THSD1: variants seen among roughly 807,000 people sequenced by gnomAD.
THSD1 encodes thrombospondin type 1 domain containing 1.
In THSD1, 34 loss-of-function variants were observed where a neutral mutation model predicts 46.3. The observed-to-expected ratio is 0.74, with a 90% CI of 0.56 to 0.98. THSD1 has a LOEUF of 0.98. Among genes scored for constraint, THSD1 ranks in the 50% least tolerant of loss-of-function variants. THSD1 has a pLI of 0.00. For missense variants in THSD1, 1,023 were observed against 1,058.3 expected (o/e 0.97, Z 0.46); for synonymous variants, 407 against 416.5 (o/e 0.98, Z 0.28).
rs555785072 is a variant in THSD1, at chr13:52,386,164, T to C, written c.1044A>G (p.Pro348=). 14 of 1,614,138 alleles carry C rather than the reference T, an allele frequency of 8.7e-6. No homozygotes were observed. The highest frequency in any genetic ancestry group is 8.0e-5 in the African/African-American group (6 of 75,050). Residue 348 remains proline (P), a synonymous_variant, in exon 4 of 5, where the codon CCA becomes CCG. Coordinates refer to ENST00000258613, the MANE Select transcript of THSD1 (RefSeq NM_018676.4). ...CACATGTGGCACTACACTGGCTCCA[T>C]GGCTGCCACAGTCCCCAAGTTTCTG... The part of the protein sequence containing the change: ...RNTETWGLWQ[P]WSQCSATCGD...
chr13:52,397,211 T>TA lies in THSD1; in HGVS notation c.1021+20dup, dbSNP rs749440537. 73 of 1,517,958 alleles carry TA rather than the reference T, an allele frequency of 4.8e-5. 1 individual carries two copies. Among genetic ancestry groups the TA allele is most frequent in the African/African-American group, 2.6e-4 (19 of 71,786 alleles). 94.0% of individuals were successfully genotyped at this position (1,517,958 alleles called of 1,614,324 possible). On this transcript the variant is annotated intron_variant, in intron 3 of 4. Coordinates refer to ENST00000258613, the MANE Select transcript of THSD1 (RefSeq NM_018676.4). ...ACATGAAGGATTTGATTTAAAATGT[T>TA]AAAAAAATCTCAATACAAACCTGTA...
Position 52,377,693 on chromosome 13 carries a change from AGCTCTGTGGG to A in THSD1, c.2267_2276del (p.Pro756LeufsTer32). On this transcript the variant is annotated frameshift_variant, in exon 5 of 5. Transcript: ENST00000258613. LOFTEE classifies it high-confidence loss of function. Reference sequence around the variant, plus strand: ...TGTGACTGGGGGACGGTCCCCGACGAGCTCTGTGGGGCTCTGTTCTCTCAATTCCGGCCAC... The same window carrying A: ...TGTGACTGGGGGACGGTCCCCGACGAGCTCTGTTCTCTCAATTCCGGCCAC... 3 of 1,610,066 alleles carry A rather than the reference AGCTCTGTGGG, an allele frequency of 1.9e-6. No individual in the cohort carries two copies. The highest frequency in any genetic ancestry group is 2.2e-5 in the South Asian group (2 of 90,918).
chr13:52,378,478 A>C lies in THSD1; in HGVS notation c.1492T>G (p.Tyr498Asp). 2 of 1,614,174 alleles carry C rather than the reference A, an allele frequency of 1.2e-6. No homozygotes were observed. Among genetic ancestry groups the C allele is most frequent in the East Asian group, 4.5e-5 (2 of 44,882 alleles). The change falls in exon 5 of 5, where the codon TAC (tyrosine) becomes GAC (aspartate). Residue 498 changes from tyrosine to aspartate, a missense_variant. Around this residue, in one of 3 missense-constraint regions of THSD1, gnomAD observed 578 missense variants for 497.4 expected, o/e 1.16. Transcript: ENST00000258613. Reference sequence around the variant, plus strand: ...GGAGGTACCGGCCCGCTCCGCCTGTAGGTCAGAGGGATGCCTGTGTCCCCT... The same window carrying C: ...GGAGGTACCGGCCCGCTCCGCCTGTCGGTCAGAGGGATGCCTGTGTCCCCT... ...SPGDTGIPLT[Y>D]RRSGPVPPED...
At chr13:52,400,089 A>G (rs2137747788) in intron 2 of THSD1, 1 of 149,586 alleles carries the variant, frequency 6.7e-6, no homozygotes, top group African/African-American at 2.5e-5. Flanking sequence ...ACTAAATTTG[A>G]CTGGCTTAAA....
chr13:52,377,718 A>G lies in THSD1; in HGVS notation c.2252T>C (p.Ile751Thr), dbSNP rs766340010. Reference sequence around the variant, plus strand: ...AGCTCTGTGGGGCTCTGTTCTCTCAATTCCGGCCACTAATCCTGCCTGGTG... The same window carrying G: ...AGCTCTGTGGGGCTCTGTTCTCTCAGTTCCGGCCACTAATCCTGCCTGGTG... ...GDHQAGLVAGIERTEPHRARR... is the reference protein window; with the variant it reads ...GDHQAGLVAGTERTEPHRARR... The change falls in exon 5 of 5, where the codon ATT (isoleucine) becomes ACT (threonine). Residue 751 changes from isoleucine (I) to threonine (T), a missense_variant. By Grantham distance (89) the Ile-to-Thr change is moderately conservative (BLOSUM62 -1). Coordinates refer to ENST00000258613, the MANE Select transcript of THSD1 (RefSeq NM_018676.4). 3.7e-6 allele frequency: 6 copies of G among 1,612,778 alleles called. No homozygotes were observed. The highest frequency in any genetic ancestry group is 1.7e-5 in the Admixed American group (1 of 59,900).
chr13:52,391,083 T>G (rs1395259260), intron 3 of THSD1, among the ~76,000 whole-genome samples: 2 of 152,202 alleles, frequency 1.3e-5, no homozygotes, highest in African/African-American at 4.8e-5. Context: ...TTGTGTACCT[T>G]TGGCTGCATT....
intron 4 of THSD1, chr13:52,384,080 G>A: frequency 3.0e-6 from 1 of 334,750 alleles, no homozygotes; most frequent in South Asian, 2.5e-5. Context: ...GCACATGCCA[G>A]AGGCTGAGGC....
At chr13:52,394,453 A>G (rs1957797225) in intron 3 of THSD1, among the ~76,000 whole-genome samples, 3 of 152,102 alleles carry the variant, frequency 2.0e-5, no homozygotes, top group Non-Finnish European at 4.4e-5. Flanking sequence ...GTCTCTACTA[A>G]AAATACAAAA....
chr13:52,393,772 T>C (rs1046099401), intron 3 of THSD1, among the ~76,000 whole-genome samples: 3 of 152,136 alleles, frequency 2.0e-5, no homozygotes, highest in African/African-American at 7.2e-5. Context: ...CCCTAAATGG[T>C]ACCATTTGGC....
chr13:52,378,259 G>T lies in THSD1; in HGVS notation c.1711C>A (p.Pro571Thr). ...DTAIDAAPSA[P>T]LDLESPEEAA... ...TCTTCCGGGCTTTCCAAATCTAAGG[G>T]AGCGCTGGGGGCCGCATCAATGGCA... Residue 571 changes from proline (P) to threonine (T), a missense_variant, in exon 5 of 5, where the codon CCC becomes ACC. Around this residue, in one of 3 missense-constraint regions of THSD1, gnomAD observed 578 missense variants for 497.4 expected, o/e 1.16. Coordinates refer to ENST00000258613, the MANE Select transcript of THSD1 (RefSeq NM_018676.4). 1.2e-6 allele frequency: 2 copies of T among 1,614,224 alleles called. No homozygotes were observed. Among genetic ancestry groups the T allele is most frequent in the Non-Finnish European group, 1.7e-6 (2 of 1,180,038 alleles).
At chr13:52,383,957 CTT>C (rs1231080177) in intron 4 of THSD1, 1 of 192,590 alleles carries the variant, frequency 5.2e-6, no homozygotes, top group Non-Finnish European at 1.1e-5. Flanking sequence ...AATCCCAGCA[CTT>C]TGGGAGGCCG....
Position 52,378,052 on chromosome 13 carries a change from A to G in THSD1, c.1918T>C (p.Ser640Pro). 1 of 1,614,026 alleles carries G rather than the reference A, an allele frequency of 6.2e-7. No homozygotes were observed. The highest frequency in any genetic ancestry group is 8.5e-7 in the Non-Finnish European group (1 of 1,180,004). Reference protein sequence around the residue: ...ARHVGSRGGPSERSHARNAHF... With the variant: ...ARHVGSRGGPPERSHARNAHF... ...GCGTTCCTGGCATGGCTCCTTTCGG[A>G]CGGGCCCCCTCTGCTGCCCACGTGC... Residue 640 changes from serine to proline, a missense_variant, in exon 5 of 5, where the codon TCC (serine) becomes CCC (proline). By Grantham distance (74) the Ser-to-Pro change is moderately conservative (BLOSUM62 -1). Transcript: ENST00000258613.
chr13:52,401,893 A>G (rs1199554021), intron 2 of THSD1, among the ~76,000 whole-genome samples: 1 of 152,256 alleles, frequency 6.6e-6, no homozygotes, highest in East Asian at 1.9e-4. Flanking sequence ...AGTGAAGATT[A>G]TATCATATTG....
Position 52,377,782 on chromosome 13 carries a change from T to G in THSD1, c.2188A>C (p.Thr730Pro), listed in dbSNP as rs766254115. 1 of 1,614,134 alleles carries G rather than the reference T, an allele frequency of 6.2e-7. No individual in the cohort carries two copies. The highest frequency in any genetic ancestry group is 8.5e-7 in the Non-Finnish European group (1 of 1,180,034). ...GPLNPLPKSY[T>P]LGQPLRKPDL... ...GGTTTCCTCAAGGGCTGCCCCAAAG[T>G]GTAGGATTTAGGGAGAGGGTTTAAT... Residue 730 changes from threonine (T) to proline (P), a missense_variant, in exon 5 of 5, where the codon ACT (threonine) becomes CCT (proline). Thr to Pro is a conservative substitution (Grantham distance 38). Around this residue, in one of 3 missense-constraint regions of THSD1, gnomAD observed 578 missense variants for 497.4 expected, o/e 1.16. Transcript: ENST00000258613.
intron 3 of THSD1, among the ~76,000 whole-genome samples, chr13:52,394,613 G>GAA (rs747265774): frequency 2.3e-4 from 25 of 109,160 alleles, no homozygotes; most frequent in Non-Finnish European, 3.6e-4. Context: ...GACTGTCCCA[G>GAA]AAAAAAAAAA....
chr13:52,385,070 TG>T (rs1412989453), intron 4 of THSD1, among the ~76,000 whole-genome samples: 1 of 152,140 alleles, frequency 6.6e-6, no homozygotes, highest in Non-Finnish European at 1.5e-5. Flanking sequence ...CTGGCTGAGA[TG>T]TTGCCAGGTG....
chr13:52,377,706 T>C lies in THSD1; in HGVS notation c.2264A>G (p.Glu755Gly), dbSNP rs1169587295. The change falls in exon 5 of 5, where the codon GAG becomes GGG. Residue 755 changes from glutamate to glycine, a missense_variant. By Grantham distance (98) the Glu-to-Gly change is moderately conservative (BLOSUM62 -2). Around this residue, in one of 3 missense-constraint regions of THSD1, gnomAD observed 578 missense variants for 497.4 expected, o/e 1.16. Coordinates refer to ENST00000258613, the MANE Select transcript of THSD1 (RefSeq NM_018676.4). The stretch of plus-strand genomic sequence containing the variant: ...CGGTCCCCGACGAGCTCTGTGGGGC[T>C]CTGTTCTCTCAATTCCGGCCACTAA... The part of the protein sequence containing the change: ...AGLVAGIERT[E>G]PHRARRGPSP... The C allele has an allele frequency of 2.5e-6, 4 of 1,611,390 alleles. No homozygotes were observed. The highest frequency in any genetic ancestry group is 2.5e-6 in the Non-Finnish European group (3 of 1,178,260).
chr13:52,391,162 C>T (rs556777422), intron 3 of THSD1, among the ~76,000 whole-genome samples: 107 of 151,926 alleles, frequency 7.0e-4, no homozygotes, highest in African/African-American at 2.5e-3. Context: ...CTAGTGTTGG[C>T]AGGATCTGAT....
At chr13:52,386,281 C>A in intron 3 of THSD1, 95 bp from the exon 4 acceptor site, 1 of 1,331,146 alleles carries the variant, frequency 7.5e-7, no homozygotes, top group Non-Finnish European at 1.0e-6. Flanking sequence ...AATCTCAGGT[C>A]TTGAAAAGCC....
Sources: allele counts gnomAD v4.1 joint callset (sites outside exome capture counted in the v4.1 genomes callset), GRCh38; gene constraint gnomAD v4.1.1; regional missense constraint gnomAD v4.1.1; transcripts MANE v1.5; gene names NCBI Gene and HGNC (gene_info 2026-07-23, HGNC 2026-07-21).